Variants in SPNS3 observed in about 807,000 individuals in gnomAD.
SPNS3 encodes SPNS lysolipid transporter 3, sphingosine-1-phosphate (putative), also known as protein spinster homolog 3.
SPNS3 carries 51 observed loss-of-function variants against 54.4 expected under a neutral mutation model. That is an observed-to-expected ratio of 0.94 (90% CI 0.75 to 1.18). The LOEUF (loss-of-function observed/expected upper bound fraction) is 1.18. Among genes scored for constraint, SPNS3 ranks in the 50% most tolerant of loss-of-function variants. The pLI, the probability that SPNS3 is intolerant of heterozygous loss-of-function variation, is 0.00. For missense variants in SPNS3, 669 were observed against 677.4 expected, an observed-to-expected ratio of 0.99 and a Z score of 0.14; for synonymous variants, 309 against 294.7, an observed-to-expected ratio of 1.05 and a Z score of -0.50.
At chr17:4,468,770 T>TTTCTCTCTTTC (rs1971766130) in intron 8 of SPNS3, among the ~76,000 whole-genome samples, 1 of 69,946 alleles carries the variant, frequency 1.4e-5, no homozygotes, top group Admixed American at 1.6e-4. Flanking sequence ...TCTCTCTTTC[T>TTTCTCTCTTTC]TTTTCTTTCT....
intron 2 of SPNS3, among the ~76,000 whole-genome samples, chr17:4,440,372 AC>A (rs1970818656): frequency 6.6e-6 from 1 of 152,148 alleles, no homozygotes; most frequent in Non-Finnish European, 1.5e-5. Flanking sequence ...CTGTGCACAC[AC>A]CCAGGCTGTA....
chr17:4,436,189 G>A (rs1489637319), intron 1 of SPNS3, among the ~76,000 whole-genome samples: 1 of 152,190 alleles, frequency 6.6e-6, no homozygotes, highest in South Asian at 2.1e-4. Context: ...GCACAGGCCG[G>A]GCTGGGAGCT....
At chr17:4,462,806 A>ATCC (rs1186553438) in intron 8 of SPNS3, among the ~76,000 whole-genome samples, 1 of 44,798 alleles carries the variant, frequency 2.2e-5, no homozygotes, top group Non-Finnish European at 4.1e-5. Flanking sequence ...TCCATCCACC[A>ATCC]ATCTATCCAT....
At position 4,486,352 on chromosome 17, in the gene SPNS3, T is replaced by C; in HGVS notation, c.1278+26T>C. The C allele has an allele frequency of 7.1e-7, 1 of 1,414,722 alleles. No individual in the cohort carries two copies. The highest frequency in any genetic ancestry group is 2.3e-5 in the East Asian group (1 of 42,742). The allele number at this position is 1,414,722 out of a possible 1,614,324, so 87.6% of individuals were successfully genotyped here. On this transcript the variant is annotated intron_variant, in intron 10 of 11. Transcript: ENST00000355530. This position sits in a 1 kb window ranked among gnomAD's most constrained non-coding sequence, Gnocchi z 5.5. ...GTAAGACGTGTCTGCGTGTGTGGGG[T>C]GGGGAGGGTCTGGGGGCCAGGCTGG...
intron 8 of SPNS3, among the ~76,000 whole-genome samples, chr17:4,464,680 T>A (rs1971629902): frequency 6.6e-6 from 1 of 152,132 alleles, no homozygotes; most frequent in South Asian, 2.1e-4. Flanking sequence ...CCTGTTCTTT[T>A]TTATTTTTTT....
chr17:4,453,628 A>AC (rs1227750951), intron 8 of SPNS3, among the ~76,000 whole-genome samples: 2 of 151,582 alleles, frequency 1.3e-5, no homozygotes, highest in East Asian at 1.9e-4. Flanking sequence ...GGGGGAAAAA[A>AC]ACAGAGAGAG....
intron 8 of SPNS3, among the ~76,000 whole-genome samples, chr17:4,473,218 C>G (rs919964735): frequency 8.5e-5 from 13 of 152,136 alleles, no homozygotes; most frequent in African/African-American, 2.9e-4. Flanking sequence ...AATCCTCCAT[C>G]TTTGCACAGG....
chr17:4,442,530 C>CAAA (rs147092893), intron 2 of SPNS3, among the ~76,000 whole-genome samples: 53 of 141,766 alleles, frequency 3.7e-4, no homozygotes, highest in African/African-American at 1.0e-3. Context: ...AAGACTGTCT[C>CAAA]AAAAAAAAAA....
At chr17:4,487,745 G>A in intron 11 of SPNS3, 61 bp from the exon 12 acceptor site, 1 of 1,521,236 alleles carries the variant, frequency 6.6e-7, no homozygotes, top group African/African-American at 1.4e-5. Flanking sequence ...CCCAGGCCCA[G>A]GCCTGGTCCC....
intron 8 of SPNS3, among the ~76,000 whole-genome samples, chr17:4,469,240 C>G (rs910556742): frequency 1.3e-5 from 2 of 151,974 alleles, no homozygotes; most frequent in Admixed American, 6.6e-5. Flanking sequence ...TGTGAGCCAC[C>G]GTGCCCAGCT....
chr17:4,435,851 G>A (rs1970703914), intron 1 of SPNS3, among the ~76,000 whole-genome samples: 1 of 152,180 alleles, frequency 6.6e-6, no homozygotes, highest in South Asian at 2.1e-4. Context: ...ACAGTCGCTT[G>A]AACCCGGGAG....
intron 7 of SPNS3, among the ~76,000 whole-genome samples, chr17:4,451,523 G>A (rs960890294): frequency 6.6e-6 from 1 of 152,154 alleles, no homozygotes; most frequent in African/African-American, 2.4e-5. Context: ...GACCAGTCCC[G>A]CAGAGTCATC....
In SPNS3 at chr17:4,486,727, T is replaced by C. The variant is rs1445709078; in HGVS notation, c.1450+144T>C. The C allele has an allele frequency of 3.4e-6, 3 of 894,732 alleles. No individual in the cohort carries two copies. Among genetic ancestry groups the C allele is most frequent in the Non-Finnish European group, 4.9e-6 (3 of 611,492 alleles). 55.4% of individuals were successfully genotyped at this position (894,732 alleles called of 1,614,324 possible). A position where few individuals can be genotyped will look rare whatever the true frequency, so the allele number is the denominator to read the frequency against. On this transcript the variant is annotated intron_variant, in intron 11 of 11. Coordinates refer to ENST00000355530, the MANE Select transcript of SPNS3 (RefSeq NM_182538.5). This position sits in a 1 kb window ranked among gnomAD's most constrained non-coding sequence, Gnocchi z 5.5. ...CACCCCTGCTATGTACCAGGGAAGG[T>C]TGCAGATGCTGGGGAGTGAAAGAAT...
intron 8 of SPNS3, among the ~76,000 whole-genome samples, chr17:4,460,883 G>T (rs1971480679): frequency 6.6e-6 from 1 of 152,104 alleles, no homozygotes; most frequent in African/African-American, 2.4e-5. Flanking sequence ...GTTGGCAAGT[G>T]TTCCTTCCTC....
At chr17:4,434,642 G>A (rs554416188) in intron 1 of SPNS3, among the ~76,000 whole-genome samples, 7 of 151,046 alleles carry the variant, frequency 4.6e-5, no homozygotes, top group Non-Finnish European at 8.8e-5. Flanking sequence ...GATTACAGGC[G>A]TGCACCACCA....
intron 8 of SPNS3, among the ~76,000 whole-genome samples, chr17:4,455,739 G>C (rs1253006207): frequency 6.6e-6 from 1 of 152,270 alleles, no homozygotes; most frequent in East Asian, 1.9e-4. Context: ...ACTTCCCTTG[G>C]GGGAGTCAGG....
At chr17:4,463,262 G>A (rs1971586688) in intron 8 of SPNS3, among the ~76,000 whole-genome samples, 1 of 151,032 alleles carries the variant, frequency 6.6e-6, no homozygotes, top group Non-Finnish European at 1.5e-5. Flanking sequence ...GCCAGGCATG[G>A]TGGTGGCACC....
rs530578394 is a variant in SPNS3 at position 4,470,166 on chromosome 17, C to T, written c.1114-8406C>T. Among the ~76,000 whole-genome samples the T allele has an allele frequency of 5.9e-5, 9 of 152,156 alleles. No homozygotes were observed. The South Asian group carries it at 8.3e-4, about 14-fold the overall frequency. On this transcript the variant is annotated intron_variant, in intron 8 of 11. Coordinates refer to ENST00000355530, the MANE Select transcript of SPNS3 (RefSeq NM_182538.5). ...GTATCAGGCCAGGCACAGTGACTCACGCCTGTAATCCCAGCACTTTGGGAG... is the reference window on the plus strand; with the variant it reads ...GTATCAGGCCAGGCACAGTGACTCATGCCTGTAATCCCAGCACTTTGGGAG...
At chr17:4,458,217 T>C (rs1971366758) in intron 8 of SPNS3, among the ~76,000 whole-genome samples, 1 of 152,176 alleles carries the variant, frequency 6.6e-6, no homozygotes, top group African/African-American at 2.4e-5. Context: ...GCCACCTTCC[T>C]GGTCTCCGTG....
Sources: gnomAD v4.1 joint callset for allele counts (sites outside exome capture counted in the v4.1 genomes callset) on GRCh38, gnomAD v4.1.1 for gene constraint, Gnocchi (gnomAD v3.1) non-coding constraint, MANE v1.5 for transcripts, NCBI Gene and HGNC (gene_info 2026-07-23, HGNC 2026-07-21) for gene names.